The following FAAH2 variants were observed in gnomAD, a reference collection of about 807,000 sequenced individuals.
The protein encoded by FAAH2 is fatty-acid amide hydrolase 2.
FAAH2 carries 60 observed loss-of-function variants against 36.9 expected under a neutral mutation model. That is an observed-to-expected ratio of 1.63 (90% CI 1.32 to 2.02). The LOEUF is 2.02. Ranked by LOEUF, FAAH2 falls within the 30% of genes most tolerant of loss-of-function variation. The probability of loss-of-function intolerance (pLI) is 0.00; values close to 1 mark genes in which losing one functional copy is unlikely to be tolerated. For synonymous variants in FAAH2, 214 were observed against 143.8 expected (o/e 1.49, Z -3.49); for missense variants, 689 against 397.5 (o/e 1.73, Z -6.23).
At chrX:57,358,526 T>C (rs1239649505) in intron 5 of FAAH2, among the ~76,000 whole-genome samples, 1 of 111,475 alleles carries the variant, frequency 9.0e-6, no homozygotes, top group African/African-American at 3.3e-5. Context: ...GTTTCCTTGT[T>C]TATGAAGGCT....
the FAAH2 span, among the ~76,000 whole-genome samples, chrX:57,264,997 G>T: frequency 1.8e-5 from 2 of 111,813 alleles, no homozygotes; most frequent in African/African-American, 6.5e-5. Flanking sequence ...GCAGGACGAT[G>T]GCCCACTCGG....
At chrX:57,290,941 A>G (rs963333653) in intron 1 of FAAH2, among the ~76,000 whole-genome samples, 1 of 112,015 alleles carries the variant, frequency 8.9e-6, no homozygotes, top group Non-Finnish European at 1.9e-5. Flanking sequence ...CCTTCTAAAT[A>G]TCACTGTTTA....
the FAAH2 span, among the ~76,000 whole-genome samples, chrX:57,278,877 G>T: frequency 8.9e-6 from 1 of 112,347 alleles, no homozygotes; most frequent in African/African-American, 3.2e-5. Flanking sequence ...CTGGTCATTA[G>T]AGAAATGCAA....
upstream of FAAH2, among the ~76,000 whole-genome samples, chrX:57,285,774 GA>G (rs2051801344): frequency 8.9e-6 from 1 of 112,152 alleles, no homozygotes; most frequent in Non-Finnish European, 1.9e-5. Flanking sequence ...GGACAAAGTA[GA>G]TGGGTCTTGA....
At chrX:57,150,448 A>G in the FAAH2 span, among the ~76,000 whole-genome samples, 1 of 112,008 alleles carries the variant, frequency 8.9e-6, no homozygotes, top group African/African-American at 3.2e-5. Context: ...GTGCTCCTGT[A>G]TTGGGTGCAT....
chrX:57,474,776 A>T (rs966889475), intron 10 of FAAH2, among the ~76,000 whole-genome samples: 6 of 112,074 alleles, frequency 5.4e-5, no homozygotes, highest in African/African-American at 1.9e-4. Flanking sequence ...TCATTGAGGA[A>T]TTGCCACATT....
At chrX:57,317,229 A>G in intron 3 of FAAH2, among the ~76,000 whole-genome samples, 1 of 112,605 alleles carries the variant, frequency 8.9e-6, no homozygotes, top group South Asian at 3.6e-4. Flanking sequence ...GGCAAATTAA[A>G]TAAAGAGCCA....
chrX:57,312,530 A>G (rs1378145314), intron 3 of FAAH2, among the ~76,000 whole-genome samples: 1 of 110,789 alleles, frequency 9.0e-6, no homozygotes, highest in Non-Finnish European at 1.9e-5. Context: ...AGAAAAAAAA[A>G]TTAGCTGGGC....
At chrX:57,275,269 C>A in the FAAH2 span, among the ~76,000 whole-genome samples, 1 of 112,235 alleles carries the variant, frequency 8.9e-6, no homozygotes, top group Non-Finnish European at 1.9e-5. Flanking sequence ...GAGAAACAAA[C>A]TTTTACATTT....
intron 3 of FAAH2, among the ~76,000 whole-genome samples, chrX:57,329,369 C>A (rs1051878566): frequency 1.2e-4 from 13 of 111,153 alleles, no homozygotes; most frequent in Non-Finnish European, 1.5e-4. Flanking sequence ...GCCCTCTATG[C>A]ATGTTCCTGT....
chrX:57,406,461 C>T (rs2055569547), intron 7 of FAAH2, among the ~76,000 whole-genome samples: 2 of 111,860 alleles, frequency 1.8e-5, no homozygotes, highest in South Asian at 7.5e-4. Flanking sequence ...AACACCCACC[C>T]TGATGGGGAC....
the FAAH2 span, among the ~76,000 whole-genome samples, chrX:57,185,931 G>T: frequency 3.6e-5 from 4 of 111,749 alleles, no homozygotes; most frequent in Non-Finnish European, 7.5e-5. Flanking sequence ...ATTCCATGGT[G>T]AATATGTGCC....
intron 5 of FAAH2, among the ~76,000 whole-genome samples, chrX:57,345,827 A>G (rs2053807042): frequency 9.0e-6 from 1 of 111,350 alleles, no homozygotes; most frequent in African/African-American, 3.3e-5. Flanking sequence ...GTTATTTTTT[A>G]TTTTCATTAA....
At chrX:57,260,372 A>T in the FAAH2 span, among the ~76,000 whole-genome samples, 1 of 112,139 alleles carries the variant, frequency 8.9e-6, no homozygotes, top group African/African-American at 3.2e-5. Flanking sequence ...TAATTGCATT[A>T]AAAATGAATC....
At chrX:57,348,166 C>T (rs180873304) in intron 5 of FAAH2, among the ~76,000 whole-genome samples, 116 of 110,170 alleles carry the variant, frequency 1.1e-3, no homozygotes, top group Middle Eastern at 4.7e-3. Context: ...ATGCATGGTT[C>T]GGGATCCTGC....
the FAAH2 span, among the ~76,000 whole-genome samples, chrX:57,193,702 C>T: frequency 1.2e-4 from 13 of 111,754 alleles, no homozygotes; most frequent in Non-Finnish European, 1.9e-4. Context: ...ACCTATGTGA[C>T]TATCGGGGGC....
chrX:57,269,320 G>T, the FAAH2 span, among the ~76,000 whole-genome samples: 1 of 111,170 alleles, frequency 9.0e-6, no homozygotes, highest in Non-Finnish European at 1.9e-5. Context: ...GATTATTGAG[G>T]CAGAAAATTA....
At chrX:57,381,946 G>A (rs1052383818) in intron 7 of FAAH2, among the ~76,000 whole-genome samples, 1 of 111,397 alleles carries the variant, frequency 9.0e-6, no homozygotes, top group African/African-American at 3.3e-5. Flanking sequence ...CTCAGCAAAC[G>A]TAAAAGAACA....
At chrX:57,468,156 G>T (rs1262089941) in intron 10 of FAAH2, among the ~76,000 whole-genome samples, 5 of 111,197 alleles carry the variant, frequency 4.5e-5, no homozygotes, top group Non-Finnish European at 7.5e-5. Flanking sequence ...AAAAAACAGG[G>T]CAGAAAATCT....
Sources: gnomAD v4.1 joint callset for allele counts (sites outside exome capture counted in the v4.1 genomes callset) on GRCh38, gnomAD v4.1.1 for gene constraint, MANE v1.5 for transcripts, NCBI Gene and HGNC (gene_info 2026-07-23, HGNC 2026-07-21) for gene names.